NEGR1: variants seen among roughly 807,000 people sequenced by gnomAD.
NEGR1 encodes neuronal growth regulator 1, also known as IgLON family member 4.
NEGR1 carries 10 observed loss-of-function variants against 40.9 expected under a neutral mutation model. The ratio of observed to expected loss-of-function variants is 0.24; its 90% CI spans 0.15 to 0.42. The LOEUF is 0.42. Among genes scored for constraint, NEGR1 ranks in the 10% least tolerant of loss-of-function variants. The pLI is 1.00. For synonymous variants in NEGR1, 185 were observed against 166.8 expected (o/e 1.11, Z -0.84); for missense variants, 352 against 438.9 (o/e 0.80, Z 1.77).
intron 1 of NEGR1, among the ~76,000 whole-genome samples, chr1:72,271,945 A>G (rs991476719): frequency 6.6e-6 from 1 of 151,834 alleles, no homozygotes; most frequent in Non-Finnish European, 1.5e-5. Context: ...GCCTCCTGCC[A>G]TGATTCTGAG....
intron 3 of NEGR1, among the ~76,000 whole-genome samples, chr1:71,773,697 A>G (rs192290066): frequency 6.6e-6 from 1 of 152,294 alleles, no homozygotes; most frequent in East Asian, 1.9e-4. Flanking sequence ...AAGTCTAGTT[A>G]TTCATTGGAT....
intron 1 of NEGR1, among the ~76,000 whole-genome samples, chr1:72,010,214 C>T (rs1157323735): frequency 6.6e-6 from 1 of 151,974 alleles, no homozygotes; most frequent in Non-Finnish European, 1.5e-5. Context: ...GAAAGCATGG[C>T]TTTACCAGCT....
chr1:71,793,510 T>C (rs925723899), intron 2 of NEGR1, among the ~76,000 whole-genome samples: 1 of 151,290 alleles, frequency 6.6e-6, no homozygotes, highest in African/African-American at 2.4e-5. Flanking sequence ...TATAGCCTAC[T>C]CAAGAGAAGA....
chr1:71,831,724 C>T lies in NEGR1; in HGVS notation c.410-55427G>A, dbSNP rs184483916. Among the ~76,000 whole-genome samples the T allele has an allele frequency of 6.5e-4, 99 of 151,318 alleles. 2 individuals are homozygous for T. The highest frequency in any genetic ancestry group is 2.5e-4 in the Non-Finnish European group (17 of 67,826). ...ATTGGCTAGAGGACAGTGGGAGGATCGAACTCATGTTGGTCCCTGGGGATG... is the reference window on the plus strand; with the variant it reads ...ATTGGCTAGAGGACAGTGGGAGGATTGAACTCATGTTGGTCCCTGGGGATG... On this transcript the variant is annotated intron_variant, in intron 2 of 6. Coordinates refer to ENST00000357731, the MANE Select transcript of NEGR1 (RefSeq NM_173808.3).
At chr1:71,626,153 G>C (rs1650767260) in intron 4 of NEGR1, among the ~76,000 whole-genome samples, 1 of 151,920 alleles carries the variant, frequency 6.6e-6, no homozygotes, top group South Asian at 2.1e-4. Flanking sequence ...GTACCAAGAG[G>C]TTTGGGGACT....
intron 6 of NEGR1, among the ~76,000 whole-genome samples, chr1:71,537,167 A>C (rs1570000855): frequency 6.6e-6 from 1 of 151,678 alleles, no homozygotes; most frequent in African/African-American, 2.4e-5. Flanking sequence ...CCCCTCAACA[A>C]CTATGAGGTA....
At chr1:72,076,295 C>A (rs1042352485) in intron 1 of NEGR1, among the ~76,000 whole-genome samples, 2 of 152,120 alleles carry the variant, frequency 1.3e-5, no homozygotes, top group African/African-American at 4.8e-5. Flanking sequence ...GAGTTAGCTT[C>A]TTTCACGATG....
chr1:71,624,003 T>C (rs769255653), intron 4 of NEGR1, among the ~76,000 whole-genome samples: 2 of 151,924 alleles, frequency 1.3e-5, no homozygotes, highest in Non-Finnish European at 2.9e-5. Flanking sequence ...CTTCCTTTTT[T>C]GCTCAGGAAT....
At chr1:72,226,618 T>C (rs1654199075) in intron 1 of NEGR1, among the ~76,000 whole-genome samples, 1 of 152,016 alleles carries the variant, frequency 6.6e-6, no homozygotes, top group South Asian at 2.1e-4. Flanking sequence ...GATTCGGCCA[T>C]TGGTGATAAC....
At chr1:72,265,572 C>G (rs1046543054) in intron 1 of NEGR1, among the ~76,000 whole-genome samples, 2 of 150,612 alleles carry the variant, frequency 1.3e-5, no homozygotes, top group Admixed American at 1.3e-4. Context: ...TTATTGAATT[C>G]CCCACTAAAT....
chr1:71,716,390 C>T (rs1654278068), intron 3 of NEGR1, among the ~76,000 whole-genome samples: 1 of 151,756 alleles, frequency 6.6e-6, no homozygotes, highest in Non-Finnish European at 1.5e-5. Context: ...TGTGGAAATA[C>T]CAATAAAATT....
At chr1:71,441,878 ATTTTATTCTCACCATATTTTGTACTT>A (rs1272097304) in intron 6 of NEGR1, among the ~76,000 whole-genome samples, 1 of 152,150 alleles carries the variant, frequency 6.6e-6, no homozygotes, top group Non-Finnish European at 1.5e-5. Context: ...ATAGAAGATT[ATTTTATTCTCACCATATTTTGTACTT>A]TTTTATTCCT....
At chr1:72,165,062 T>C (rs1651719465) in intron 1 of NEGR1, among the ~76,000 whole-genome samples, 2 of 152,018 alleles carry the variant, frequency 1.3e-5, no homozygotes, top group African/African-American at 4.8e-5. Flanking sequence ...CATAGTTCAT[T>C]ATGTTGGATC....
At chr1:71,445,299 CTTTT>C (rs67225048) in intron 6 of NEGR1, among the ~76,000 whole-genome samples, 2 of 132,854 alleles carry the variant, frequency 1.5e-5, no homozygotes, top group Non-Finnish European at 3.3e-5. Context: ...AAGCTCAATG[CTTTT>C]TTTTTTAAAA....
chr1:71,565,109 A>C lies in NEGR1; in HGVS notation c.940+27708T>G, dbSNP rs185619412. On this transcript the variant is annotated intron_variant, in intron 6 of 6. Coordinates refer to ENST00000357731, the MANE Select transcript of NEGR1 (RefSeq NM_173808.3). ...CCATTTATTGAGAGGTAACCAGATA[A>C]AATAAAATGGTTGTAAACCAAACAC... Among the ~76,000 whole-genome samples, 185 of 152,248 alleles carry C rather than the reference A, an allele frequency of 1.2e-3. 1 individual carries two copies. Among genetic ancestry groups the C allele is most frequent in the Middle Eastern group, 0.01 (3 of 294 alleles).
chr1:72,064,785 A>G (rs914249325), intron 1 of NEGR1, among the ~76,000 whole-genome samples: 2 of 152,056 alleles, frequency 1.3e-5, no homozygotes, highest in African/African-American at 4.8e-5. Flanking sequence ...AAGTGTTTTT[A>G]TATTTTTCAT....
At chr1:71,636,463 C>A (rs1309202824) in intron 4 of NEGR1, among the ~76,000 whole-genome samples, 1 of 151,934 alleles carries the variant, frequency 6.6e-6, no homozygotes, top group African/African-American at 2.4e-5. Context: ...ATGTGATGAG[C>A]AAAACACTGA....
At chr1:72,199,223 T>C (rs1324676890) in intron 1 of NEGR1, among the ~76,000 whole-genome samples, 1 of 150,084 alleles carries the variant, frequency 6.7e-6, no homozygotes, top group South Asian at 2.1e-4. Context: ...ATAACATGTA[T>C]ACTGTAAAGG....
intron 2 of NEGR1, among the ~76,000 whole-genome samples, chr1:71,778,787 T>A (rs1656601308): frequency 6.6e-6 from 1 of 152,200 alleles, no homozygotes; most frequent in African/African-American, 2.4e-5. Flanking sequence ...ATTTGGTCAA[T>A]ACTGTCTGAT....
Sources: gnomAD v4.1 joint callset for allele counts (sites outside exome capture counted in the v4.1 genomes callset) on GRCh38, gnomAD v4.1.1 for gene constraint, MANE v1.5 for transcripts, NCBI Gene and HGNC (gene_info 2026-07-23, HGNC 2026-07-21) for gene names.